Variants in AP2A2 observed in about 807,000 individuals in gnomAD.
AP2A2 encodes the protein AP-2 complex subunit alpha-2.
AP2A2 carries 32 observed loss-of-function variants against 104.2 expected under a neutral mutation model. That is an observed-to-expected ratio of 0.31 (90% CI 0.23 to 0.41). The LOEUF (loss-of-function observed/expected upper bound fraction) is 0.41. Among genes scored for constraint, AP2A2 ranks in the 10% least tolerant of loss-of-function variants. The probability of loss-of-function intolerance (pLI) is 1.00; values close to 1 mark genes in which losing one functional copy is unlikely to be tolerated. For synonymous variants in AP2A2, 539 were observed against 533.3 expected (o/e 1.01, Z -0.15); for missense variants, 912 against 1,261.0 (o/e 0.72, Z 4.19).
intron 14 of AP2A2, among the ~76,000 whole-genome samples, chr11:997,675 T>C (rs1324824950): frequency 1.3e-5 from 2 of 152,094 alleles, no homozygotes; most frequent in African/African-American, 2.4e-5. Context: ...GAGGCTGAGG[T>C]GGGCGGATCA....
chr11:939,670 C>G (rs1853578469), intron 1 of AP2A2, among the ~76,000 whole-genome samples: 1 of 152,012 alleles, frequency 6.6e-6, no homozygotes, highest in Admixed American at 6.6e-5. Flanking sequence ...GTTTTGAACC[C>G]CTGACCTCAA....
chr11:991,891 A>G (rs1855668359), intron 10 of AP2A2, among the ~76,000 whole-genome samples: 1 of 151,882 alleles, frequency 6.6e-6, no homozygotes, highest in South Asian at 2.1e-4. Context: ...AGGCGAGGTG[A>G]CTTTGGGGAG....
chr11:972,225 C>G lies in AP2A2; in HGVS notation c.443C>G (p.Ala148Gly). Residue 148 changes from alanine to glycine, a missense_variant, in exon 4 of 22, where the codon GCC becomes GGC. Transcript: ENST00000448903. ...AGCCGGGAGATGGCCGAGGCCTTCGCCGGGGAGATCCCTAAGGTCCTCGTA... is the reference window on the plus strand; with the variant it reads ...AGCCGGGAGATGGCCGAGGCCTTCGGCGGGGAGATCCCTAAGGTCCTCGTA... Reference protein sequence around the residue: ...VGSREMAEAFAGEIPKVLVAG... With the variant: ...VGSREMAEAFGGEIPKVLVAG... The G allele has an allele frequency of 6.2e-7, 1 of 1,607,142 alleles. No individual in the cohort carries two copies. The highest frequency in any genetic ancestry group is 8.5e-7 in the Non-Finnish European group (1 of 1,178,720).
chr11:1,005,953 TAA>T (rs1251633775), intron 16 of AP2A2, among the ~76,000 whole-genome samples: 3 of 152,254 alleles, frequency 2.0e-5, no homozygotes, highest in African/African-American at 7.2e-5. Context: ...TACTGTGATA[TAA>T]ATAAAAACAG....
At chr11:970,044 C>A in intron 2 of AP2A2, 125 bp from the exon 3 acceptor site, 1 of 1,013,282 alleles carries the variant, frequency 9.9e-7, no homozygotes, top group Non-Finnish European at 1.5e-6. Flanking sequence ...CCTGCCTGGG[C>A]CCGGCCACCC....
intron 1 of AP2A2, among the ~76,000 whole-genome samples, chr11:956,226 C>T (rs12806879): frequency 3.1e-3 from 478 of 151,944 alleles, no homozygotes; most frequent in Non-Finnish European, 5.2e-3. Context: ...CTTGCTCTGT[C>T]ATCTCGCCTC....
chr11:1,000,649 C>T, intron 15 of AP2A2, 51 bp downstream of exon 15: 1 of 1,507,106 alleles, frequency 6.6e-7, no homozygotes, highest in Non-Finnish European at 8.9e-7. Context: ...GCCGTGCCCC[C>T]TGACTTCTGG....
rs1411203537 is a variant in AP2A2 at position 994,159 on chromosome 11, G to T, written c.1870G>T (p.Val624Leu). The change falls in exon 14 of 22, where the codon GTG becomes TTG. Residue 624 changes from valine to leucine, a missense_variant. By Grantham distance (32) the Val-to-Leu change is conservative. Transcript: ENST00000448903. Reference protein sequence around the residue: ...KLKKKKGPSTVTDLEDTKRDR... With the variant: ...KLKKKKGPSTLTDLEDTKRDR... The stretch of plus-strand genomic sequence containing the variant: ...CAAGAAGAAGAAGGGCCCCAGCACG[G>T]TGACAGACCTGGAGGACACCAAGCG... The T allele has an allele frequency of 6.2e-7, 1 of 1,613,138 alleles. No individual in the cohort carries two copies. The highest frequency in any genetic ancestry group is 1.3e-5 in the African/African-American group (1 of 75,050).
chr11:986,506 T>C (rs1855462760), intron 8 of AP2A2, among the ~76,000 whole-genome samples: 1 of 152,126 alleles, frequency 6.6e-6, no homozygotes, highest in African/African-American at 2.4e-5. Flanking sequence ...CTGATGCAGA[T>C]TGAGGCTCAG....
intron 1 of AP2A2, among the ~76,000 whole-genome samples, chr11:928,237 A>G (rs1451673903): frequency 6.6e-6 from 1 of 152,250 alleles, no homozygotes. Flanking sequence ...GCATAGTACA[A>G]TAAGATATTT....
chr11:929,567 T>G (rs2134447327), intron 1 of AP2A2, among the ~76,000 whole-genome samples: 1 of 152,376 alleles, frequency 6.6e-6, no homozygotes, highest in Middle Eastern at 3.4e-3. Context: ...TTTGCGTCTT[T>G]CTGACCAGTT....
At chr11:932,089 G>C (rs1853310079) in intron 1 of AP2A2, among the ~76,000 whole-genome samples, 2 of 152,122 alleles carry the variant, frequency 1.3e-5, no homozygotes, top group South Asian at 2.1e-4. Flanking sequence ...AGTCTCCCGA[G>C]TAGCTGGGAT....
At position 985,594 on chromosome 11, in the gene AP2A2, G is replaced by A. The variant is rs753942679; in HGVS notation, c.962+12G>A. On this transcript the variant is annotated intron_variant, in intron 8 of 21. Coordinates refer to ENST00000448903, the MANE Select transcript of AP2A2 (RefSeq NM_012305.4). ...ATTCACCATGACAGGTGTGTCGGCTGCCTGTGGAGAGGCTTCGTCTCGCGC... is the reference window on the plus strand; with the variant it reads ...ATTCACCATGACAGGTGTGTCGGCTACCTGTGGAGAGGCTTCGTCTCGCGC... The A allele has an allele frequency of 1.9e-5, 31 of 1,613,706 alleles. No individual in the cohort carries two copies. Among genetic ancestry groups the A allele is most frequent in the East Asian group, 1.6e-4 (7 of 44,896 alleles).
intron 1 of AP2A2, among the ~76,000 whole-genome samples, chr11:951,557 C>T (rs1287191152): frequency 6.6e-6 from 1 of 152,084 alleles, no homozygotes; most frequent in African/African-American, 2.4e-5. Flanking sequence ...TGAGTTTATC[C>T]CTGGTGATGG....
At chr11:932,642 A>T (rs1023511861) in intron 1 of AP2A2, 1 of 453,876 alleles carries the variant, frequency 2.2e-6, no homozygotes, top group Non-Finnish European at 4.4e-6. Context: ...CCAGTTTAGG[A>T]AATGTGTCAT....
intron 1 of AP2A2, among the ~76,000 whole-genome samples, chr11:950,017 CAG>C (rs1454294453): frequency 1.3e-5 from 2 of 152,096 alleles, no homozygotes; most frequent in Non-Finnish European, 2.9e-5. Context: ...GGTATAAGGA[CAG>C]ATACGTAGAT....
At chr11:952,278 C>T (rs774418444) in intron 1 of AP2A2, among the ~76,000 whole-genome samples, 6 of 152,226 alleles carry the variant, frequency 3.9e-5, no homozygotes, top group Non-Finnish European at 8.8e-5. Flanking sequence ...TCATAGGCTC[C>T]TTTACTATTT....
At chr11:932,760 C>T (rs758858234) in intron 1 of AP2A2, 17 of 456,192 alleles carry the variant, frequency 3.7e-5, no homozygotes, top group Non-Finnish European at 6.2e-5. Context: ...CAGTGTTTTC[C>T]GTCTGGCTCC....
At chr11:971,513 G>A (rs1854828060) in intron 3 of AP2A2, among the ~76,000 whole-genome samples, 1 of 152,170 alleles carries the variant, frequency 6.6e-6, no homozygotes, top group Non-Finnish European at 1.5e-5. Context: ...TCCAGGTGGG[G>A]AGGGTGTCAC....
Sources: allele counts gnomAD v4.1 joint callset (sites outside exome capture counted in the v4.1 genomes callset), GRCh38; gene constraint gnomAD v4.1.1; transcripts MANE v1.5; gene names NCBI Gene and HGNC (gene_info 2026-07-23, HGNC 2026-07-21).